JAKMIP1: variants seen among roughly 807,000 people sequenced by gnomAD.
JAKMIP1 encodes janus kinase and microtubule interacting protein 1.
Under a neutral mutation model 113.0 loss-of-function variants are expected in JAKMIP1, and 33 were observed. The ratio of observed to expected loss-of-function variants is 0.29; its 90% CI spans 0.22 to 0.39. The LOEUF (loss-of-function observed/expected upper bound fraction) is 0.39, where lower values mean the gene tolerates loss of function less well. JAKMIP1 is among the 10% of genes least tolerant of loss of function. JAKMIP1 has a pLI of 1.00. For synonymous variants in JAKMIP1, 480 were observed against 459.9 expected (o/e 1.04, Z -0.56); for missense variants, 813 against 1,080.5 (o/e 0.75, Z 3.47).
At chr4:6,039,376 C>G (rs1441638279) in intron 18 of JAKMIP1, among the ~76,000 whole-genome samples, 1 of 152,220 alleles carries the variant, frequency 6.6e-6, no homozygotes, top group African/African-American at 2.4e-5. Flanking sequence ...CTTTAGCACG[C>G]TAAGACCCCA....
chr4:6,105,417 T>C (rs148021996), intron 3 of JAKMIP1, 56 bp downstream of exon 3: 8 of 1,484,146 alleles, frequency 5.4e-6, no homozygotes, highest in African/African-American at 1.4e-5. Context: ...ATTTCCCCCA[T>C]GCGTGCAGGG....
intron 1 of JAKMIP1, among the ~76,000 whole-genome samples, chr4:6,163,290 T>C (rs573334218): frequency 6.6e-6 from 1 of 151,786 alleles, no homozygotes; most frequent in South Asian, 2.1e-4. Flanking sequence ...CCACCTCGTG[T>C]CTCTGTGCCA....
At position 6,176,783 on chromosome 4, in the gene JAKMIP1, G is replaced by GCA. The variant is rs1725388416; in HGVS notation, c.-148+23468_-148+23469dup. Among the ~76,000 whole-genome samples the GCA allele has an allele frequency of 6.6e-6, 1 of 152,176 alleles. No individual in the cohort carries two copies. Among genetic ancestry groups the GCA allele is most frequent in the Non-Finnish European group, 1.5e-5 (1 of 68,042 alleles). Reference sequence around the variant, plus strand: ...GCCATGGCTCACACCTGTAATCCTAGCACTTTTTGGGGGCCGAGGCAGGCG... The same window carrying GCA: ...GCCATGGCTCACACCTGTAATCCTAGCACACTTTTTGGGGGCCGAGGCAGGCG... On this transcript the variant is annotated intron_variant, in intron 1 of 20. Coordinates refer to ENST00000409021, the MANE Select transcript of JAKMIP1 (RefSeq NM_001099433.2). The surrounding 1 kb of genome is among the most constrained non-coding windows in gnomAD (Gnocchi z 5.5).
intron 3 of JAKMIP1, among the ~76,000 whole-genome samples, chr4:6,098,627 GAA>G (rs1560180435): frequency 7.3e-6 from 1 of 137,004 alleles, no homozygotes; most frequent in Non-Finnish European, 1.6e-5. Context: ...AAAAGAAAAA[GAA>G]AGAAAGAAAA....
chr4:6,098,948 T>C (rs942096227), intron 3 of JAKMIP1, among the ~76,000 whole-genome samples: 2 of 152,220 alleles, frequency 1.3e-5, no homozygotes, highest in African/African-American at 4.8e-5. Flanking sequence ...TGTGCTCATC[T>C]TCTTTGGTTT....
In JAKMIP1 at chr4:6,065,003, A is replaced by T; in HGVS notation, c.1308T>A (p.His436Gln). The T allele has an allele frequency of 6.2e-7, 1 of 1,614,178 alleles. No individual in the cohort carries two copies. The highest frequency in any genetic ancestry group is 2.2e-5 in the East Asian group (1 of 44,874). ...RGKSLKPPKK[H>Q]VVETFFGFDE... ...CAAATCCAAAAAATGTCTCCACAAC[A>T]TGCTTCTGTAAAACGCAATTTGTAT... Residue 436 changes from histidine (H) to glutamine (Q), a missense_variant, in exon 9 of 21, where the codon CAT becomes CAA. By Grantham distance (24) the His-to-Gln change is conservative. Transcript: ENST00000409021. This position sits in a 1 kb window ranked among gnomAD's most constrained non-coding sequence, Gnocchi z 5.1.
chr4:6,060,174 A>G (rs1345337022), intron 11 of JAKMIP1, among the ~76,000 whole-genome samples: 1 of 152,196 alleles, frequency 6.6e-6, no homozygotes, highest in African/African-American at 2.4e-5. Context: ...TTTTTTGTGC[A>G]TTTGGCAAAC....
intron 16 of JAKMIP1, among the ~76,000 whole-genome samples, chr4:6,048,361 G>C (rs950369796): frequency 6.6e-6 from 1 of 152,220 alleles, no homozygotes; most frequent in African/African-American, 2.4e-5. Context: ...GACGTAGATA[G>C]AAATTTATGT....
rs753378183 is a variant in JAKMIP1 at position 6,105,899 on chromosome 4, C to G, written c.198G>C (p.Thr66=). Residue 66 remains threonine, a synonymous_variant, in exon 3 of 21, where the codon ACG becomes ACC. Coordinates refer to ENST00000409021, the MANE Select transcript of JAKMIP1 (RefSeq NM_001099433.2). ...TGGCCTTGAGCTCCGAAATGTAGGC[C>G]GTGTGCCGTCGCTGCTCCTGCTCGC... is the stretch of plus-strand genomic sequence containing the variant. ...LEREQEQRRH[T]AYISELKAKL... The G allele has an allele frequency of 3.7e-6, 6 of 1,611,612 alleles. No homozygotes were observed. In the South Asian group the frequency reaches 6.6e-5, roughly 18 times the overall value.
rs1416292943 is a variant in JAKMIP1, at chr4:6,081,416, C to A, written c.1101+193G>T. Among the ~76,000 whole-genome samples the A allele has an allele frequency of 1.3e-5, 2 of 152,184 alleles. No homozygotes were observed. The highest frequency in any genetic ancestry group is 3.9e-4 in the East Asian group (2 of 5,186). ...CTGTCTGACTCCCTCTGGGCACAAA[C>A]ACCCACAGCACAGTGAATGTGAGAC... On this transcript the variant is annotated intron_variant, in intron 6 of 20. Coordinates refer to ENST00000409021, the MANE Select transcript of JAKMIP1 (RefSeq NM_001099433.2). The surrounding 1 kb of genome is among the most constrained non-coding windows in gnomAD (Gnocchi z 4.6).
chr4:6,044,121 G>T lies in JAKMIP1; in HGVS notation c.2029-1894C>A, dbSNP rs56806572. Among the ~76,000 whole-genome samples, 3,092 of 151,972 alleles carry T rather than the reference G, an allele frequency of 0.02. 102 individuals carry two copies. The highest frequency in any genetic ancestry group is 0.069 in the African/African-American group (2,874 of 41,408). On this transcript the variant is annotated intron_variant, in intron 16 of 20. Transcript: ENST00000409021. The surrounding 1 kb of genome is among the most constrained non-coding windows in gnomAD (Gnocchi z 4.4). ...AGCCTACCCTGCTTGAGTCCGTGGG[G>T]TCAGCTAACCTCCATGGTGCCCATG...
In JAKMIP1 at chr4:6,199,140, T is replaced by C. The variant is rs1489834464; in HGVS notation, c.-148+1113A>G. Among the ~76,000 whole-genome samples the C allele has an allele frequency of 6.6e-6, 1 of 152,230 alleles. No individual in the cohort carries two copies. The highest frequency in any genetic ancestry group is 2.4e-5 in the African/African-American group (1 of 41,474). On this transcript the variant is annotated intron_variant, in intron 1 of 20. Transcript: ENST00000409021. This position sits in a 1 kb window ranked among gnomAD's most constrained non-coding sequence, Gnocchi z 5.6. ...GGCGTTCGCGGAGAGAGCACAGCAC[T>C]GGCAAAGGCCAAGGACAGTGTGCCT... is the stretch of plus-strand genomic sequence containing the variant.
intron 1 of JAKMIP1, among the ~76,000 whole-genome samples, chr4:6,163,853 G>A (rs1046497051): frequency 6.6e-6 from 1 of 152,216 alleles, no homozygotes; most frequent in East Asian, 1.9e-4. Context: ...ACTCCCTTAA[G>A]CCAAAGCCTA....
Position 6,042,361 on chromosome 4 carries a change from C to T in JAKMIP1, c.2029-134G>A. 1 of 706,726 alleles carries T rather than the reference C, an allele frequency of 1.4e-6. No individual in the cohort carries two copies. Among genetic ancestry groups the T allele is most frequent in the Admixed American group, 2.1e-5 (1 of 47,660 alleles). The allele number at this position is 706,726 out of a possible 1,614,324, so 43.8% of individuals were successfully genotyped here. A position where few individuals can be genotyped will look rare whatever the true frequency, so the allele number is the denominator to read the frequency against. Reference sequence around the variant, plus strand: ...TGCTCAGGAATGGGTCAGGTCATGGCACACACATGCCTGATCTGTGGATGG... The same window carrying T: ...TGCTCAGGAATGGGTCAGGTCATGGTACACACATGCCTGATCTGTGGATGG... On this transcript the variant is annotated intron_variant, in intron 16 of 20. Transcript: ENST00000409021. The surrounding 1 kb of genome is among the most constrained non-coding windows in gnomAD (Gnocchi z 5.2).
chr4:6,085,084 C>G, intron 4 of JAKMIP1, 119 bp from the exon 5 acceptor site: 1 of 1,227,912 alleles, frequency 8.1e-7, no homozygotes, highest in South Asian at 1.6e-5. Flanking sequence ...ATTCAGGGGC[C>G]CACATGCCAC....
chr4:6,184,208 T>C lies in JAKMIP1; in HGVS notation c.-148+16045A>G, dbSNP rs1327696670. Among the ~76,000 whole-genome samples, 8 of 152,296 alleles carry C rather than the reference T, an allele frequency of 5.3e-5. No homozygotes were observed. In the East Asian group the frequency reaches 1.5e-3, roughly 29 times the overall value. On this transcript the variant is annotated intron_variant, in intron 1 of 20. Coordinates refer to ENST00000409021, the MANE Select transcript of JAKMIP1 (RefSeq NM_001099433.2). This position sits in a 1 kb window ranked among gnomAD's most constrained non-coding sequence, Gnocchi z 4.5. ...AAACAAACCCAAAGAGAGGTGAGTG[T>C]ATCACACTGTCCTGTGAGTATCATC... is the stretch of plus-strand genomic sequence containing the variant.
Position 6,179,503 on chromosome 4 carries a change from G to A in JAKMIP1, c.-148+20750C>T, listed in dbSNP as rs979384693. Among the ~76,000 whole-genome samples the A allele has an allele frequency of 2.0e-5, 3 of 152,242 alleles. No individual in the cohort carries two copies. The highest frequency in any genetic ancestry group is 4.4e-5 in the Non-Finnish European group (3 of 68,022). ...GACACCCCCTACAGGCACCGTCAAGGGACAACCCTACAAAGCCACAAACCC... is the reference window on the plus strand; with the variant it reads ...GACACCCCCTACAGGCACCGTCAAGAGACAACCCTACAAAGCCACAAACCC... On this transcript the variant is annotated intron_variant, in intron 1 of 20. Transcript: ENST00000409021. The surrounding 1 kb of genome is among the most constrained non-coding windows in gnomAD (Gnocchi z 4.5).
rs543011399 is a variant in JAKMIP1, at chr4:6,183,035, C to G, written c.-148+17218G>C. On this transcript the variant is annotated intron_variant, in intron 1 of 20. Coordinates refer to ENST00000409021, the MANE Select transcript of JAKMIP1 (RefSeq NM_001099433.2). The surrounding 1 kb of genome is among the most constrained non-coding windows in gnomAD (Gnocchi z 5.3). Reference sequence around the variant, plus strand: ...TCAGCCAGTGATGGTCCTGGAGGCTCCAGGTTCCCAGGTCCCATCTTAGTA... The same window carrying G: ...TCAGCCAGTGATGGTCCTGGAGGCTGCAGGTTCCCAGGTCCCATCTTAGTA... Among the ~76,000 whole-genome samples the G allele has an allele frequency of 7.2e-5, 11 of 152,298 alleles. No individual in the cohort carries two copies. The highest frequency in any genetic ancestry group is 3.3e-4 in the Admixed American group (5 of 15,310).
chr4:6,139,055 A>AAC lies in JAKMIP1; in HGVS notation c.-147-26060_-147-26059dup, dbSNP rs71984154. ...ATTGTTTGCATGTGACATCATTAGA[A>AAC]ACACACACACACACACACACACACA... On this transcript the variant is annotated intron_variant, in intron 1 of 20. Coordinates refer to ENST00000409021, the MANE Select transcript of JAKMIP1 (RefSeq NM_001099433.2). This position sits in a 1 kb window ranked among gnomAD's most constrained non-coding sequence, Gnocchi z 5.2. Among the ~76,000 whole-genome samples the AAC allele has an allele frequency of 0.019, 1,935 of 103,456 alleles. 36 individuals carry two copies. Among genetic ancestry groups the AAC allele is most frequent in the African/African-American group, 0.049 (1,686 of 34,550 alleles). The allele number at this position is 103,456 out of a possible 152,430, so 67.9% of individuals were successfully genotyped here. A position where few individuals can be genotyped will look rare whatever the true frequency, so the allele number is the denominator to read the frequency against.
Sources: allele counts gnomAD v4.1 joint callset (sites outside exome capture counted in the v4.1 genomes callset), GRCh38; gene constraint gnomAD v4.1.1; non-coding constraint Gnocchi (gnomAD v3.1); transcripts MANE v1.5; gene names NCBI Gene and HGNC (gene_info 2026-07-23, HGNC 2026-07-21).